BMPR1B: variants seen among roughly 807,000 people sequenced by gnomAD.
BMPR1B encodes the protein bone morphogenetic protein receptor type-1B.
A neutral mutation model predicts 59.1 loss-of-function variants in BMPR1B; 12 were observed. The observed-to-expected ratio is 0.20, with a 90% confidence interval of 0.13 to 0.33. The LOEUF is 0.33. Among genes scored for constraint, BMPR1B ranks in the 10% least tolerant of loss-of-function variants. The probability of loss-of-function intolerance (pLI) is 1.00; values close to 1 mark genes in which losing one functional copy is unlikely to be tolerated. For missense variants in BMPR1B, 550 were observed against 610.9 expected, an observed-to-expected ratio of 0.90 and a Z score of 1.05; for synonymous variants, 237 against 207.3, an observed-to-expected ratio of 1.14 and a Z score of -1.23.
intron 2 of BMPR1B, among the ~76,000 whole-genome samples, chr4:94,887,629 A>G (rs565742986): frequency 6.6e-6 from 1 of 152,106 alleles, no homozygotes; most frequent in East Asian, 1.9e-4. Flanking sequence ...TAAATTACAG[A>G]ACACCCAAGA....
chr4:95,013,301 TTTC>T (rs1723352784), intron 3 of BMPR1B, among the ~76,000 whole-genome samples: 1 of 152,200 alleles, frequency 6.6e-6, no homozygotes, highest in South Asian at 2.1e-4. Context: ...CCTGATGTAT[TTTC>T]TTCAACTGAT....
Position 94,921,545 on chromosome 4 carries a change from G to C in BMPR1B, c.-113+45645G>C, listed in dbSNP as rs570027870. On this transcript the variant is annotated intron_variant, in intron 2 of 12. Transcript: ENST00000515059. The stretch of plus-strand genomic sequence containing the variant: ...AAAGCAGGACCAAGACAGAGGAATG[G>C]GGGGAGGTACTCCACACTTTTAAAC... Among the ~76,000 whole-genome samples the C allele has an allele frequency of 3.1e-3, 464 of 152,036 alleles. 3 individuals are homozygous for C. The highest frequency in any genetic ancestry group is 6.8e-3 in the Middle Eastern group (2 of 294).
At chr4:95,099,030 A>C (rs1730636540) in intron 3 of BMPR1B, among the ~76,000 whole-genome samples, 2 of 152,158 alleles carry the variant, frequency 1.3e-5, no homozygotes, top group Admixed American at 6.6e-5. Flanking sequence ...ATTATTTTAA[A>C]GTTATCAGGT....
chr4:94,775,075 T>C (rs1354519296), intron 1 of BMPR1B, among the ~76,000 whole-genome samples: 1 of 152,190 alleles, frequency 6.6e-6, no homozygotes, highest in Non-Finnish European at 1.5e-5. Context: ...TACTGAACTT[T>C]CGAGGCAGAT....
chr4:95,029,620 G>A (rs914638898), intron 3 of BMPR1B, among the ~76,000 whole-genome samples: 2 of 152,078 alleles, frequency 1.3e-5, no homozygotes, highest in Non-Finnish European at 1.5e-5. Context: ...AATCCTTTGG[G>A]TATATACCCA....
At chr4:94,889,054 CAAAG>C (rs1279070228) in intron 2 of BMPR1B, among the ~76,000 whole-genome samples, 1 of 151,686 alleles carries the variant, frequency 6.6e-6, no homozygotes, top group Non-Finnish European at 1.5e-5. Context: ...ACTGGAGCCT[CAAAG>C]AACCAGAAAG....
intron 1 of BMPR1B, among the ~76,000 whole-genome samples, chr4:94,825,780 G>A (rs1724361008): frequency 6.6e-6 from 1 of 152,128 alleles, no homozygotes; most frequent in Non-Finnish European, 1.5e-5. Context: ...AAAGAAAATG[G>A]ATTGCATTGC....
intron 3 of BMPR1B, among the ~76,000 whole-genome samples, chr4:95,018,931 G>A (rs1028432264): frequency 6.6e-6 from 1 of 152,124 alleles, no homozygotes; most frequent in Non-Finnish European, 1.5e-5. Flanking sequence ...GGCAGGTGGC[G>A]CCAATCTATT....
At chr4:95,096,800 T>G (rs1730429060) in intron 3 of BMPR1B, among the ~76,000 whole-genome samples, 1 of 139,686 alleles carries the variant, frequency 7.2e-6, no homozygotes, top group Admixed American at 7.4e-5. Flanking sequence ...TATCTATATA[T>G]AGAATATATA....
intron 3 of BMPR1B, among the ~76,000 whole-genome samples, chr4:95,041,613 T>TC (rs1257261432): frequency 6.7e-6 from 1 of 149,084 alleles, no homozygotes; most frequent in Non-Finnish European, 1.5e-5. Context: ...TGAATGGACT[T>TC]TTTTTTTTTT....
At chr4:94,933,528 T>A (rs771454747) in intron 2 of BMPR1B, among the ~76,000 whole-genome samples, 1 of 152,058 alleles carries the variant, frequency 6.6e-6, no homozygotes, top group Non-Finnish European at 1.5e-5. Flanking sequence ...GACAATAGGA[T>A]TGTCTGGAGA....
At chr4:94,870,999 CG>C (rs576976753) in intron 1 of BMPR1B, among the ~76,000 whole-genome samples, 71 of 150,518 alleles carry the variant, frequency 4.7e-4, no homozygotes, top group Non-Finnish European at 7.8e-4. Flanking sequence ...ATTTTTTTGG[CG>C]GGGGGGCGGG....
intron 1 of BMPR1B, among the ~76,000 whole-genome samples, chr4:94,758,992 G>A (rs1721649204): frequency 6.6e-6 from 1 of 151,992 alleles, no homozygotes; most frequent in Non-Finnish European, 1.5e-5. Context: ...TGCTCTCTGC[G>A]CCCATCTCTC....
rs143357260 is a variant in BMPR1B at position 94,901,272 on chromosome 4, G to T, written c.-113+25372G>T. ...AAATACAGTAAAATCGAAAATATCA[G>T]AATGCCTCACCTGTAAGGATAAGCA... On this transcript the variant is annotated intron_variant, in intron 2 of 12. Transcript: ENST00000515059. Among the ~76,000 whole-genome samples the T allele has an allele frequency of 2.3e-4, 35 of 152,040 alleles. No individual in the cohort carries two copies. The East Asian group carries it at 6.4e-3, about 28-fold the overall frequency.
At chr4:94,974,030 G>A (rs936029436) in intron 2 of BMPR1B, among the ~76,000 whole-genome samples, 1 of 152,140 alleles carries the variant, frequency 6.6e-6, no homozygotes, top group African/African-American at 2.4e-5. Context: ...CAACAGCAGT[G>A]TAAGAATGTG....
intron 1 of BMPR1B, among the ~76,000 whole-genome samples, chr4:94,806,243 AT>A (rs762856470): frequency 1.3e-5 from 2 of 152,144 alleles, no homozygotes; most frequent in Non-Finnish European, 2.9e-5. Flanking sequence ...TATTTAGTGA[AT>A]TCAGTTTTGA....
At chr4:94,821,423 GAT>G (rs1457477873) in intron 1 of BMPR1B, among the ~76,000 whole-genome samples, 2 of 151,968 alleles carry the variant, frequency 1.3e-5, no homozygotes, top group Non-Finnish European at 2.9e-5. Flanking sequence ...AGCATATATA[GAT>G]ATGATATATG....
At chr4:94,902,009 A>G (rs1727827179) in intron 2 of BMPR1B, among the ~76,000 whole-genome samples, 1 of 150,050 alleles carries the variant, frequency 6.7e-6, no homozygotes, top group South Asian at 2.1e-4. Flanking sequence ...GGTTCATTTC[A>G]ACAATAGACT....
At chr4:95,089,047 A>G (rs1296509153) in intron 3 of BMPR1B, among the ~76,000 whole-genome samples, 3 of 152,326 alleles carry the variant, frequency 2.0e-5, no homozygotes, top group African/African-American at 7.2e-5. Context: ...TAAGATAGCC[A>G]TGGTCCTTTG....
Sources: gnomAD v4.1 joint callset for allele counts (sites outside exome capture counted in the v4.1 genomes callset) on GRCh38, gnomAD v4.1.1 for gene constraint, MANE v1.5 for transcripts, NCBI Gene and HGNC (gene_info 2026-07-23, HGNC 2026-07-21) for gene names.